Variants in CSMD1 observed in about 807,000 individuals in gnomAD.
CSMD1 encodes CUB and sushi domain-containing protein 1.
A neutral mutation model predicts 417.5 loss-of-function variants in CSMD1; 213 were observed. The ratio of observed to expected loss-of-function variants is 0.51; its 90% CI spans 0.46 to 0.57. CSMD1 has a LOEUF of 0.57. Ranked by LOEUF, CSMD1 falls within the 20% of genes least tolerant of loss-of-function variation. CSMD1 has a pLI of 0.00. For missense variants in CSMD1, 6,923 were observed against 4,529.7 expected (o/e 1.53, Z -15.17); for synonymous variants, 2,862 against 1,736.8 (o/e 1.65, Z -16.11).
intron 37 of CSMD1, among the ~76,000 whole-genome samples, chr8:3,165,216 T>C (rs1820132618): frequency 6.6e-6 from 1 of 151,978 alleles, no homozygotes; most frequent in Admixed American, 6.5e-5. Flanking sequence ...GATTAATACC[T>C]GGTATGTGTA....
Position 3,409,585 on chromosome 8 carries a change from C to T in CSMD1, c.1582G>A (p.Gly528Arg), listed in dbSNP as rs762173655. ...VYQEIEKGGC[G>R]DPGIPAYGKR... ...CCATAGGCGGGGATTCCAGGATCCC[C>T]ACACCCTCCCTTTTCAATTTCTGAA... Residue 528 changes from glycine (G) to arginine (R), a missense_variant, in exon 13 of 70, where the codon GGG becomes AGG. Physicochemically the swap from Gly to Arg is moderately radical, Grantham distance 125 (BLOSUM62 -2). Coordinates refer to ENST00000635120, the MANE Select transcript of CSMD1 (RefSeq NM_033225.6). 6.3e-7 allele frequency: 1 copy of T among 1,595,572 alleles called. No individual in the cohort carries two copies. The highest frequency in any genetic ancestry group is 1.3e-5 in the African/African-American group (1 of 74,448).
At chr8:4,371,405 G>A (rs553486456) in intron 3 of CSMD1, among the ~76,000 whole-genome samples, 1 of 152,130 alleles carries the variant, frequency 6.6e-6, no homozygotes, top group South Asian at 2.1e-4. Flanking sequence ...TTTTTATTCT[G>A]TTTAATTCAA....
chr8:3,758,140 A>G (rs1161016398), intron 5 of CSMD1, among the ~76,000 whole-genome samples: 1 of 151,978 alleles, frequency 6.6e-6, no homozygotes, highest in South Asian at 2.1e-4. Flanking sequence ...ATTTTTGTAT[A>G]TTTAGTAGAG....
intron 3 of CSMD1, among the ~76,000 whole-genome samples, chr8:4,226,711 G>GAA (rs915509877): frequency 2.7e-5 from 4 of 149,186 alleles, no homozygotes; most frequent in African/African-American, 7.4e-5. Context: ...CTTTAAAAAA[G>GAA]AAAAAAAAAT....
intron 7 of CSMD1, among the ~76,000 whole-genome samples, chr8:3,632,404 CT>C (rs1362179281): frequency 1.3e-5 from 2 of 152,054 alleles, no homozygotes; most frequent in African/African-American, 4.8e-5. Context: ...AAGACTACCC[CT>C]GGGATATGTC....
intron 1 of CSMD1, among the ~76,000 whole-genome samples, chr8:4,880,662 GGA>G (rs1342191159): frequency 6.6e-6 from 1 of 152,052 alleles, no homozygotes; most frequent in Non-Finnish European, 1.5e-5. Context: ...AATCGGAAGT[GGA>G]GACAGAGAGA....
At chr8:4,420,859 C>A (rs1797212163) in intron 2 of CSMD1, among the ~76,000 whole-genome samples, 1 of 152,160 alleles carries the variant, frequency 6.6e-6, no homozygotes. Flanking sequence ...TCCACAAACT[C>A]CTGTGCTGTG....
At chr8:3,091,272 T>G (rs1459008667) in intron 48 of CSMD1, among the ~76,000 whole-genome samples, 1 of 152,240 alleles carries the variant, frequency 6.6e-6, no homozygotes, top group South Asian at 2.1e-4. Context: ...CTTTGCTTTC[T>G]ATAATATGAA....
intron 5 of CSMD1, among the ~76,000 whole-genome samples, chr8:3,771,220 G>C (rs57749374): frequency 1.3e-5 from 2 of 152,076 alleles, no homozygotes; most frequent in African/African-American, 2.4e-5. Flanking sequence ...CAGCTACTTT[G>C]GGGTTTTGAA....
intron 3 of CSMD1, among the ~76,000 whole-genome samples, chr8:4,220,675 G>A (rs1044133287): frequency 2.0e-5 from 3 of 152,168 alleles, no homozygotes; most frequent in African/African-American, 4.8e-5. Flanking sequence ...AGCAAAAGAA[G>A]GAAAGGGAAG....
intron 1 of CSMD1, among the ~76,000 whole-genome samples, chr8:4,906,139 T>C (rs1288654096): frequency 2.0e-5 from 3 of 152,180 alleles, no homozygotes; most frequent in Non-Finnish European, 4.4e-5. Context: ...AGATGCTACC[T>C]GCACTCTTCG....
intron 2 of CSMD1, among the ~76,000 whole-genome samples, chr8:4,430,509 C>T (rs149911719): frequency 1.3e-5 from 2 of 152,048 alleles, no homozygotes; most frequent in African/African-American, 4.8e-5. Flanking sequence ...ACAAAAATTT[C>T]CTCCTAAGAA....
intron 7 of CSMD1, among the ~76,000 whole-genome samples, chr8:3,652,771 G>A (rs1214264454): frequency 6.6e-6 from 1 of 152,106 alleles, no homozygotes; most frequent in Non-Finnish European, 1.5e-5. Flanking sequence ...AGATTTGGCT[G>A]GGAAAACAGC....
intron 5 of CSMD1, among the ~76,000 whole-genome samples, chr8:3,835,411 C>A (rs530853976): frequency 6.6e-6 from 1 of 152,058 alleles, no homozygotes; most frequent in South Asian, 2.1e-4. Flanking sequence ...AGTTCATGTC[C>A]TTTGTAGGGA....
At chr8:4,541,741 T>C (rs1797397778) in intron 2 of CSMD1, among the ~76,000 whole-genome samples, 1 of 151,666 alleles carries the variant, frequency 6.6e-6, no homozygotes, top group Non-Finnish European at 1.5e-5. Context: ...TCTAAATAAA[T>C]AAATAAATAA....
chr8:3,984,846 G>A (rs1814198730), intron 5 of CSMD1, among the ~76,000 whole-genome samples: 1 of 150,106 alleles, frequency 6.7e-6, no homozygotes, highest in South Asian at 2.1e-4. Context: ...AAAGGAGCAA[G>A]AAGAAAGCCA....
rs188662967 is a variant in CSMD1, at chr8:4,319,855, A to G, written c.415+100098T>C. Among the ~76,000 whole-genome samples the G allele has an allele frequency of 1.4e-3, 207 of 152,298 alleles. 1 individual carries two copies. The Middle Eastern group carries it at 0.034, about 25-fold the overall frequency. On this transcript the variant is annotated intron_variant, in intron 3 of 69. Coordinates refer to ENST00000635120, the MANE Select transcript of CSMD1 (RefSeq NM_033225.6). Reference sequence around the variant, plus strand: ...TCAGCTGAGAGCTCACCTGTATATTATGCAGGTAACAGAGGTACCCAAGGC... The same window carrying G: ...TCAGCTGAGAGCTCACCTGTATATTGTGCAGGTAACAGAGGTACCCAAGGC...
chr8:3,248,622 T>C (rs73185574), intron 26 of CSMD1, among the ~76,000 whole-genome samples: 24,608 of 142,014 alleles, frequency 0.17, 2,474 homozygotes, highest in Admixed American at 0.24. Context: ...TTCCACCTCC[T>C]GGGTTCACGC....
intron 1 of CSMD1, among the ~76,000 whole-genome samples, chr8:4,828,280 C>T (rs1456722526): frequency 6.6e-6 from 1 of 152,110 alleles, no homozygotes; most frequent in Non-Finnish European, 1.5e-5. Context: ...CTTTTGTTAC[C>T]TTCAATGAAA....
Sources: gnomAD v4.1 joint callset for allele counts (sites outside exome capture counted in the v4.1 genomes callset) on GRCh38, gnomAD v4.1.1 for gene constraint, MANE v1.5 for transcripts, NCBI Gene and HGNC (gene_info 2026-07-23, HGNC 2026-07-21) for gene names.